The following ZBTB24 variants were observed in gnomAD, a reference collection of about 807,000 sequenced individuals.
ZBTB24 encodes zinc finger and BTB domain-containing protein 24.
In ZBTB24, 32 loss-of-function variants were observed where a neutral mutation model predicts 53.8. That is an observed-to-expected ratio of 0.60 (90% confidence interval 0.45 to 0.80). The LOEUF is 0.80. Among genes scored for constraint, ZBTB24 ranks in the 30% least tolerant of loss-of-function variants. The pLI, the probability that ZBTB24 is intolerant of heterozygous loss-of-function variation, is 0.00. For missense variants in ZBTB24, 722 were observed against 837.1 expected (o/e 0.86, Z 1.70); for synonymous variants, 297 against 306.7 (o/e 0.97, Z 0.33).
In ZBTB24 at chr6:109,483,206, G is replaced by GCAGCCA. The variant is rs1356877947; in HGVS notation, c.-143_-138dup. 5.9e-5 allele frequency: 9 copies of GCAGCCA among 152,062 alleles called. No homozygotes were observed. Among genetic ancestry groups the GCAGCCA allele is most frequent in the East Asian group, 3.9e-4 (2 of 5,170 alleles). 9.4% of individuals were successfully genotyped at this position (152,062 alleles called of 1,614,324 possible). A position where few individuals can be genotyped will look rare whatever the true frequency, so the allele number is the denominator to read the frequency against. Reference sequence around the variant, plus strand: ...CGGTTTCTGCTCCTGCGCCGCCGCCGCAGCCACAGCCACAGCCAACCCGGA... The same window carrying GCAGCCA: ...CGGTTTCTGCTCCTGCGCCGCCGCCGCAGCCACAGCCACAGCCACAGCCAACCCGGA... On this transcript the variant is annotated 5_prime_UTR_variant, in exon 1 of 7. Coordinates refer to ENST00000230122, the MANE Select transcript of ZBTB24 (RefSeq NM_014797.3).
chr6:109,480,113 C>A (rs1776370035), intron 2 of ZBTB24, among the ~76,000 whole-genome samples: 1 of 152,112 alleles, frequency 6.6e-6, no homozygotes, highest in Non-Finnish European at 1.5e-5. Flanking sequence ...GAGGTCTAGG[C>A]ACTGGTAGTT....
Position 109,480,405 on chromosome 6 carries a change from T to C in ZBTB24, c.952+670A>G, listed in dbSNP as rs140257338. Among the ~76,000 whole-genome samples, 570 of 152,286 alleles carry C rather than the reference T, an allele frequency of 3.7e-3. 5 individuals carry two copies. The highest frequency in any genetic ancestry group is 0.013 in the African/African-American group (544 of 41,562). On this transcript the variant is annotated intron_variant, in intron 2 of 6. Coordinates refer to ENST00000230122, the MANE Select transcript of ZBTB24 (RefSeq NM_014797.3). ...AAATTTAAATGAATTAAAATAAAAT[T>C]TAAAATTCAGTTTCTCAGTCACGCT...
intron 2 of ZBTB24, among the ~76,000 whole-genome samples, chr6:109,479,841 G>A (rs903903987): frequency 2.0e-5 from 3 of 150,140 alleles, no homozygotes; most frequent in African/African-American, 2.5e-5. Flanking sequence ...ACTTGAACTC[G>A]GGAGGCGGAG....
intron 3 of ZBTB24, 31 bp from the exon 4 acceptor site, chr6:109,476,289 T>TA (rs753495343): frequency 3.1e-6 from 5 of 1,610,210 alleles, no homozygotes; most frequent in East Asian, 2.2e-5. Flanking sequence ...CTAAAACATG[T>TA]AAAAAATTAT....
intron 5 of ZBTB24, among the ~76,000 whole-genome samples, chr6:109,473,098 G>A (rs1776200504): frequency 6.6e-6 from 1 of 152,150 alleles, no homozygotes; most frequent in South Asian, 2.1e-4. Context: ...AATCTTTACT[G>A]TGGCCTTCAA....
rs1305251797 is a variant in ZBTB24 at position 109,476,226 on chromosome 6, T to C, written c.1153A>G (p.Lys385Glu). 6.2e-7 allele frequency: 1 copy of C among 1,614,074 alleles called. No individual in the cohort carries two copies. Among genetic ancestry groups the C allele is most frequent in the African/African-American group, 1.3e-5 (1 of 74,936 alleles). ...AGCTGTCTGTTCTGGCTGAAATATT[T>C]TCCGCATTGATCACAGGTAAAAGAC... ...QKSFTCDQCG[K>E]YFSQNRQLKS... The change falls in exon 4 of 7, where the codon AAA (lysine) becomes GAA (glutamate). Residue 385 changes from lysine (K) to glutamate (E), a missense_variant. Physicochemically the swap from Lys to Glu is moderately conservative, Grantham distance 56. Coordinates refer to ENST00000230122, the MANE Select transcript of ZBTB24 (RefSeq NM_014797.3).
At position 109,462,893 on chromosome 6, in the gene ZBTB24, A is replaced by C. The variant is rs1159813739; in HGVS notation, c.*2958T>G. On this transcript the variant is annotated 3_prime_UTR_variant, in exon 7 of 7. Coordinates refer to ENST00000230122, the MANE Select transcript of ZBTB24 (RefSeq NM_014797.3). Reference sequence around the variant, plus strand: ...TAAAAAATGGTACACATTTAGTAGAAAATGAATTGTGAAACACTGCACTAG... The same window carrying C: ...TAAAAAATGGTACACATTTAGTAGACAATGAATTGTGAAACACTGCACTAG... The C allele has an allele frequency of 6.6e-6, 1 of 152,268 alleles. No individual in the cohort carries two copies. The highest frequency in any genetic ancestry group is 2.4e-5 in the African/African-American group (1 of 41,472). 9.4% of individuals were successfully genotyped at this position (152,268 alleles called of 1,614,324 possible). A position where few individuals can be genotyped will look rare whatever the true frequency, so the allele number is the denominator to read the frequency against.
intron 6 of ZBTB24, 55 bp from the exon 7 acceptor site, chr6:109,466,629 C>T (rs1232153771): frequency 1.9e-6 from 3 of 1,594,038 alleles, no homozygotes; most frequent in African/African-American, 2.7e-5. Context: ...TTACTACTTC[C>T]TGATTATTTA....
Position 109,475,574 on chromosome 6 carries a change from A to G in ZBTB24, c.1205-92T>C, listed in dbSNP as rs1443446912. ...TGTTAAAGCACTTCCCTGAAAAATA[A>G]TCACTTTAAATATAGTACTTTAACC... On this transcript the variant is annotated intron_variant, in intron 4 of 6. Coordinates refer to ENST00000230122, the MANE Select transcript of ZBTB24 (RefSeq NM_014797.3). The G allele has an allele frequency of 4.8e-6, 7 of 1,465,076 alleles. 1 individual carries two copies. The African/African-American group carries it at 9.7e-5, about 20-fold the overall frequency. 90.8% of individuals were successfully genotyped at this position (1,465,076 alleles called of 1,614,324 possible). A position where few individuals can be genotyped will look rare whatever the true frequency, so the allele number is the denominator to read the frequency against.
In ZBTB24 at chr6:109,475,424, T is replaced by C. The variant is rs1776259048; in HGVS notation, c.1263A>G (p.Leu421=). 3.1e-6 allele frequency: 5 copies of C among 1,614,192 alleles called. No individual in the cohort carries two copies. Among genetic ancestry groups the C allele is most frequent in the Non-Finnish European group, 4.2e-6 (5 of 1,180,018 alleles). ...CTGTGTGTGTTCGCAGATGTTTCTTTAGCTGAGACACATCCATGAATTTGC... is the reference window on the plus strand; with the variant it reads ...CTGTGTGTGTTCGCAGATGTTTCTTCAGCTGAGACACATCCATGAATTTGC... The part of the protein sequence containing the change: ...CHRKFMDVSQ[L]KKHLRTHTGE... Residue 421 remains leucine, a synonymous_variant, in exon 5 of 7, where the codon CTA becomes CTG. Transcript: ENST00000230122.
chr6:109,466,532 G>C lies in ZBTB24; in HGVS notation c.1413C>G (p.Phe471Leu). The C allele has an allele frequency of 6.2e-7, 1 of 1,613,608 alleles. No individual in the cohort carries two copies. The highest frequency in any genetic ancestry group is 1.1e-5 in the South Asian group (1 of 91,088). Residue 471 changes from phenylalanine to leucine, a missense_variant, in exon 7 of 7, where the codon TTC (phenylalanine) becomes TTG (leucine). Coordinates refer to ENST00000230122, the MANE Select transcript of ZBTB24 (RefSeq NM_014797.3). The part of the protein sequence containing the change: ...PYSCGICGKS[F>L]SDSSAKRRHC... Reference sequence around the variant, plus strand: ...GTCTCCTTTTGGCACTGGAGTCAGAGAAGGATTTGCCACAAATGCCACAGG... The same window carrying C: ...GTCTCCTTTTGGCACTGGAGTCAGACAAGGATTTGCCACAAATGCCACAGG...
intron 5 of ZBTB24, among the ~76,000 whole-genome samples, chr6:109,473,206 C>A (rs1017601558): frequency 6.6e-6 from 1 of 152,176 alleles, no homozygotes; most frequent in African/African-American, 2.4e-5. Flanking sequence ...AGAATCTTGG[C>A]AGCTGGGACA....
rs1429276321 is a variant in ZBTB24 at position 109,462,644 on chromosome 6, A to G, written c.*3207T>C. ...ATCTGTTGCTCACAACATTTATAAC[A>G]CAAGAACCAACTGTAGAAAATACAG... On this transcript the variant is annotated 3_prime_UTR_variant, in exon 7 of 7. Transcript: ENST00000230122. The G allele has an allele frequency of 6.6e-6, 1 of 152,226 alleles. No individual in the cohort carries two copies. The highest frequency in any genetic ancestry group is 2.4e-5 in the African/African-American group (1 of 41,448). 9.4% of individuals were successfully genotyped at this position (152,226 alleles called of 1,614,324 possible).
Position 109,476,122 on chromosome 6 carries a change from A to G in ZBTB24, c.1204+53T>C. ...ATATAAACCTAATGTTTCAGAAACA[A>G]TTCTTATTTGCATTTCTTCCCCCCC... On this transcript the variant is annotated intron_variant, in intron 4 of 6. Transcript: ENST00000230122. The G allele has an allele frequency of 2.5e-6, 4 of 1,589,238 alleles. No homozygotes were observed. In the South Asian group the frequency reaches 3.3e-5, roughly 13 times the overall value.
At chr6:109,474,746 A>G (rs1776244700) in intron 5 of ZBTB24, among the ~76,000 whole-genome samples, 1 of 151,798 alleles carries the variant, frequency 6.6e-6, no homozygotes, top group South Asian at 2.1e-4. Context: ...AAAAAAAAAA[A>G]AAATTTATCT....
chr6:109,467,586 T>G (rs1776074302), intron 6 of ZBTB24, 67 bp downstream of exon 6: 1 of 1,612,488 alleles, frequency 6.2e-7, no homozygotes, highest in Non-Finnish European at 8.5e-7. Context: ...AGGTAACACA[T>G]GTCACCTCAC....
intron 5 of ZBTB24, among the ~76,000 whole-genome samples, chr6:109,474,534 C>T (rs892656703): frequency 3.3e-5 from 5 of 152,102 alleles, no homozygotes; most frequent in African/African-American, 1.2e-4. Context: ...AGATCGAGAC[C>T]ATCCTGGCCA....
rs1261705077 is a variant in ZBTB24, at chr6:109,464,119, A to G, written c.*1732T>C. The G allele has an allele frequency of 2.6e-5, 4 of 152,210 alleles. No individual in the cohort carries two copies. The highest frequency in any genetic ancestry group is 5.9e-5 in the Non-Finnish European group (4 of 68,020). 9.4% of individuals were successfully genotyped at this position (152,210 alleles called of 1,614,324 possible). On this transcript the variant is annotated 3_prime_UTR_variant, in exon 7 of 7. Transcript: ENST00000230122. ...AATAAAATTAAACAGTTTAAACGAG[A>G]ACCTGAAATAATACTTAGGGCTTAA... is the stretch of plus-strand genomic sequence containing the variant.
rs775492598 is a variant in ZBTB24 at position 109,465,904 on chromosome 6, G to A, written c.2041C>T (p.Pro681Ser). ...GGCTGGGGCACGTGGTGAGTGGGTG[G>A]TGGCGGACCAGGCTCCTGTGTCAGC... ...LQLTQEPGPP[P>S]PTHHVPQPTP... Residue 681 changes from proline to serine, a missense_variant, in exon 7 of 7, where the codon CCA becomes TCA. Pro to Ser is a moderately conservative substitution (Grantham distance 74). Coordinates refer to ENST00000230122, the MANE Select transcript of ZBTB24 (RefSeq NM_014797.3). 2.1e-5 allele frequency: 34 copies of A among 1,614,100 alleles called. No individual in the cohort carries two copies. Among genetic ancestry groups the A allele is most frequent in the Non-Finnish European group, 2.6e-5 (31 of 1,180,046 alleles).
Sources: allele counts gnomAD v4.1 joint callset (sites outside exome capture counted in the v4.1 genomes callset), GRCh38; gene constraint gnomAD v4.1.1; transcripts MANE v1.5; gene names NCBI Gene and HGNC (gene_info 2026-07-23, HGNC 2026-07-21).